CNTNAP5: variants seen among roughly 807,000 people sequenced by gnomAD.
CNTNAP5 encodes contactin associated protein family member 5, also known as contactin-associated protein-like 5.
A neutral mutation model predicts 150.2 loss-of-function variants in CNTNAP5; 72 were observed. That is an observed-to-expected ratio of 0.48 (90% CI 0.40 to 0.58). The LOEUF (loss-of-function observed/expected upper bound fraction) is 0.58, where lower values mean the gene tolerates loss of function less well. CNTNAP5 is among the 20% of genes least tolerant of loss of function. CNTNAP5 has a pLI of 0.00. For synonymous variants in CNTNAP5, 672 were observed against 619.8 expected (o/e 1.08, Z -1.25); for missense variants, 1,636 against 1,626.2 (o/e 1.01, Z -0.10).
chr2:124,515,176 A>G (rs1327013347), intron 8 of CNTNAP5, among the ~76,000 whole-genome samples: 2 of 152,206 alleles, frequency 1.3e-5, no homozygotes, highest in East Asian at 1.9e-4. Flanking sequence ...TAATGCTCAC[A>G]TGAGGGCCTG....
intron 11 of CNTNAP5, among the ~76,000 whole-genome samples, chr2:124,577,141 C>A (rs1227088922): frequency 6.6e-6 from 1 of 152,102 alleles, no homozygotes; most frequent in East Asian, 1.9e-4. Flanking sequence ...TTTATTTTGG[C>A]TCTCAATGAT....
intron 1 of CNTNAP5, among the ~76,000 whole-genome samples, chr2:124,088,561 CCTT>C (rs1313279728): frequency 3.4e-5 from 5 of 148,512 alleles, no homozygotes; most frequent in South Asian, 4.2e-4. Flanking sequence ...TTTATTTAAA[CCTT>C]CTGTTTTAAC....
At chr2:124,850,179 G>C (rs529915004) in intron 19 of CNTNAP5, among the ~76,000 whole-genome samples, 2 of 152,150 alleles carry the variant, frequency 1.3e-5, no homozygotes, top group African/African-American at 4.8e-5. Context: ...GGTAATAACA[G>C]TAAAAATAGG....
At chr2:124,695,930 C>A (rs919305928) in intron 13 of CNTNAP5, among the ~76,000 whole-genome samples, 1 of 152,164 alleles carries the variant, frequency 6.6e-6, no homozygotes, top group Non-Finnish European at 1.5e-5. Flanking sequence ...AGCATTGCTT[C>A]TAGTTTTAAA....
intron 14 of CNTNAP5, among the ~76,000 whole-genome samples, chr2:124,760,989 C>T (rs146235927): frequency 3.9e-5 from 6 of 152,230 alleles, no homozygotes; most frequent in Non-Finnish European, 7.4e-5. Context: ...CAACTCATGT[C>T]GTCTGATCCC....
intron 21 of CNTNAP5, among the ~76,000 whole-genome samples, chr2:124,888,958 T>C (rs1423180804): frequency 3.9e-5 from 6 of 152,084 alleles, no homozygotes; most frequent in African/African-American, 1.4e-4. Context: ...GTTACATTTG[T>C]CAATTTTTGT....
intron 10 of CNTNAP5, among the ~76,000 whole-genome samples, chr2:124,545,172 G>A (rs1052322319): frequency 2.0e-5 from 3 of 151,984 alleles, no homozygotes; most frequent in South Asian, 2.1e-4. Flanking sequence ...GTAAGGTTTG[G>A]TTTCTAATTT....
At chr2:124,615,818 T>C (rs1677481593) in intron 12 of CNTNAP5, among the ~76,000 whole-genome samples, 1 of 152,228 alleles carries the variant, frequency 6.6e-6, no homozygotes, top group African/African-American at 2.4e-5. Context: ...AATTACTCCT[T>C]GATCCATGAG....
chr2:124,656,976 T>G (rs1178579390), intron 13 of CNTNAP5, among the ~76,000 whole-genome samples: 1 of 152,236 alleles, frequency 6.6e-6, no homozygotes, highest in Non-Finnish European at 1.5e-5. Flanking sequence ...AGTTTTCTTA[T>G]GTGTGACATT....
intron 12 of CNTNAP5, among the ~76,000 whole-genome samples, chr2:124,617,807 T>G (rs1290338115): frequency 6.6e-6 from 1 of 152,140 alleles, no homozygotes; most frequent in African/African-American, 2.4e-5. Context: ...TGACAAGGTG[T>G]GCATAGTGCT....
intron 11 of CNTNAP5, among the ~76,000 whole-genome samples, chr2:124,578,619 A>G (rs889143684): frequency 6.6e-6 from 1 of 151,994 alleles, no homozygotes; most frequent in Non-Finnish European, 1.5e-5. Context: ...GAAAACTAAA[A>G]AAATTAGCCA....
At chr2:124,469,943 T>C (rs1282594867) in intron 6 of CNTNAP5, among the ~76,000 whole-genome samples, 1 of 152,242 alleles carries the variant, frequency 6.6e-6, no homozygotes, top group Non-Finnish European at 1.5e-5. Flanking sequence ...CCATGGCGTA[T>C]ATGTACCACA....
At chr2:124,086,700 T>G (rs999507961) in intron 1 of CNTNAP5, among the ~76,000 whole-genome samples, 1 of 151,718 alleles carries the variant, frequency 6.6e-6, no homozygotes, top group Non-Finnish European at 1.5e-5. Context: ...CAGCCCATTT[T>G]GTCATATTTA....
chr2:124,653,911 A>ACCCC (rs70996088), intron 13 of CNTNAP5, among the ~76,000 whole-genome samples: 27 of 57,486 alleles, frequency 4.7e-4, no homozygotes, highest in South Asian at 8.1e-4. Flanking sequence ...ACTGCCCCCA[A>ACCCC]CCCCCCCCCC....
chr2:124,192,212 T>C (rs1405068100), intron 1 of CNTNAP5, among the ~76,000 whole-genome samples: 1 of 152,176 alleles, frequency 6.6e-6, no homozygotes, highest in East Asian at 1.9e-4. Flanking sequence ...GTCCATGGGA[T>C]GCACAAGGGC....
chr2:124,374,749 C>T (rs139156552), intron 3 of CNTNAP5, among the ~76,000 whole-genome samples: 1 of 152,078 alleles, frequency 6.6e-6, no homozygotes, highest in African/African-American at 2.4e-5. Flanking sequence ...CAGCATTCTC[C>T]AATGCACACA....
chr2:124,742,842 G>A (rs1383354193), intron 13 of CNTNAP5, among the ~76,000 whole-genome samples: 1 of 152,010 alleles, frequency 6.6e-6, no homozygotes, highest in Non-Finnish European at 1.5e-5. Context: ...GTTCCTGGAG[G>A]AGTCTCCCAT....
intron 3 of CNTNAP5, among the ~76,000 whole-genome samples, chr2:124,249,083 A>G (rs531928493): frequency 6.6e-6 from 1 of 152,214 alleles, no homozygotes; most frequent in East Asian, 1.9e-4. Flanking sequence ...CTGATTTTTT[A>G]TCTTGCCCAA....
chr2:124,544,093 A>G (rs1015694427), intron 10 of CNTNAP5, among the ~76,000 whole-genome samples: 1 of 152,126 alleles, frequency 6.6e-6, no homozygotes, highest in Non-Finnish European at 1.5e-5. Context: ...CAGAGTTGGC[A>G]AGTATCTTCC....
Sources: allele counts gnomAD v4.1 joint callset (sites outside exome capture counted in the v4.1 genomes callset), GRCh38; gene constraint gnomAD v4.1.1; transcripts MANE v1.5; gene names NCBI Gene and HGNC (gene_info 2026-07-23, HGNC 2026-07-21).